SMC6: variants seen among roughly 807,000 people sequenced by gnomAD.
SMC6 encodes structural maintenance of chromosomes 6, also known as structural maintenance of chromosomes protein 6.
Under a neutral mutation model 142.2 loss-of-function variants are expected in SMC6, and 79 were observed. The observed-to-expected ratio is 0.56, with a 90% CI of 0.46 to 0.67. The LOEUF is 0.67. Ranked by LOEUF, SMC6 falls within the 30% of genes least tolerant of loss-of-function variation. SMC6 has a pLI of 0.00. For missense variants in SMC6, 1,072 were observed against 1,284.0 expected (o/e 0.83, Z 2.52); for synonymous variants, 411 against 412.4 (o/e 1.00, Z 0.04).
At chr2:17,723,808 C>T (rs894033285) in intron 9 of SMC6, among the ~76,000 whole-genome samples, 3 of 152,162 alleles carry the variant, frequency 2.0e-5, no homozygotes, top group African/African-American at 7.2e-5. Context: ...ATGATAAGAA[C>T]TTAATATTGA....
At chr2:17,752,307 T>C (rs1232104869) in intron 2 of SMC6, among the ~76,000 whole-genome samples, 7 of 152,174 alleles carry the variant, frequency 4.6e-5, no homozygotes, top group Non-Finnish European at 1.0e-4. Flanking sequence ...ACAATGCAAA[T>C]GCTATGTGAA....
intron 26 of SMC6, 120 bp downstream of exon 26, chr2:17,670,301 TAA>T: frequency 2.0e-6 from 2 of 1,011,450 alleles, no homozygotes; most frequent in Non-Finnish European, 2.8e-6. Context: ...GGTCACAGAC[TAA>T]AGAGTCAGGG....
At chr2:17,666,550 T>C (rs1300251582) in intron 26 of SMC6, 33 bp from the exon 27 acceptor site, 6 of 1,504,888 alleles carry the variant, frequency 4.0e-6, no homozygotes, top group Non-Finnish European at 3.7e-6. Flanking sequence ...AGGATTGCTA[T>C]TGTGTAAGTC....
Position 17,683,684 on chromosome 2 carries a change from C to G in SMC6, c.2758G>C (p.Gly920Arg). 1 of 1,612,018 alleles carries G rather than the reference C, an allele frequency of 6.2e-7. No homozygotes were observed. The highest frequency in any genetic ancestry group is 8.5e-7 in the Non-Finnish European group (1 of 1,178,460). The change falls in exon 24 of 28, where the codon GGA becomes CGA. Residue 920 changes from glycine to arginine, a missense_variant. Gly to Arg is a moderately radical substitution (Grantham distance 125). Coordinates refer to ENST00000448223, the MANE Select transcript of SMC6 (RefSeq NM_001142286.2). ...TTGAATCTGTGCTCCATGATTTCTC[C>G]CAGTAATTTAATAAACTTTTTTAAA... ...RTLKKFIKLL[G>R]EIMEHRFKTY...
intron 5 of SMC6, 86 bp downstream of exon 5, chr2:17,738,135 C>T: frequency 2.1e-6 from 2 of 962,880 alleles, no homozygotes; most frequent in Non-Finnish European, 3.2e-6. Context: ...ACTTCATTTC[C>T]AGTCATGTCT....
At chr2:17,696,525 G>T in intron 21 of SMC6, 99 bp from the exon 22 acceptor site, 1 of 1,215,856 alleles carries the variant, frequency 8.2e-7, no homozygotes, top group Non-Finnish European at 1.2e-6. Flanking sequence ...GGATTATGCT[G>T]TTTGAAGAGG....
intron 6 of SMC6, 101 bp from the exon 7 acceptor site, chr2:17,731,240 T>C (rs960270230): frequency 1.4e-5 from 11 of 761,476 alleles, no homozygotes; most frequent in Middle Eastern, 3.5e-4. Flanking sequence ...TTAGCTTTCA[T>C]TGCATCATCA....
chr2:17,683,865 A>G, intron 23 of SMC6, 102 bp from the exon 24 acceptor site: 2 of 1,072,070 alleles, frequency 1.9e-6, no homozygotes, highest in Admixed American at 2.0e-5. Flanking sequence ...GGAGGGGCAG[A>G]GAGTACTAAG....
chr2:17,690,404 TCAACATGG>T (rs1236111264), intron 23 of SMC6, among the ~76,000 whole-genome samples: 6 of 151,960 alleles, frequency 3.9e-5, no homozygotes, highest in Admixed American at 3.9e-4. Context: ...ACCTGCCTGG[TCAACATGG>T]CGAAACTCCA....
chr2:17,721,594 C>A (rs1669377352), intron 9 of SMC6, among the ~76,000 whole-genome samples: 2 of 152,088 alleles, frequency 1.3e-5, no homozygotes, highest in Admixed American at 1.3e-4. Flanking sequence ...ACATGATGGT[C>A]TGTTCCTCAA....
intron 8 of SMC6, among the ~76,000 whole-genome samples, chr2:17,726,078 GCT>G (rs1669603438): frequency 1.2e-5 from 1 of 82,984 alleles, no homozygotes; most frequent in Non-Finnish European, 2.0e-5. Context: ...ACAGAGCAAG[GCT>G]CTGTCTTAAA....
chr2:17,673,118 T>C (rs1666841199), intron 25 of SMC6, among the ~76,000 whole-genome samples: 1 of 152,218 alleles, frequency 6.6e-6, no homozygotes, highest in Non-Finnish European at 1.5e-5. Flanking sequence ...GGTGTGACAG[T>C]AACTTACTGT....
At chr2:17,728,558 A>T (rs79622601) in intron 7 of SMC6, among the ~76,000 whole-genome samples, 1 of 152,150 alleles carries the variant, frequency 6.6e-6, no homozygotes, top group African/African-American at 2.4e-5. Flanking sequence ...AAAAAAAAAA[A>T]GAATGTTGTA....
intron 16 of SMC6, among the ~76,000 whole-genome samples, chr2:17,712,487 G>A (rs1490325768): frequency 1.3e-5 from 2 of 152,166 alleles, no homozygotes; most frequent in Non-Finnish European, 2.9e-5. Context: ...AATAGCAGGA[G>A]TAGTAGTTTA....
At chr2:17,751,887 A>C (rs1447919988) in intron 2 of SMC6, among the ~76,000 whole-genome samples, 1 of 152,222 alleles carries the variant, frequency 6.6e-6, no homozygotes, top group Non-Finnish European at 1.5e-5. Flanking sequence ...TTGGTCTAAA[A>C]ATGACAGTCA....
rs1670730306 is a variant in SMC6, at chr2:17,746,028, G to C, written c.-5-77C>G. ...AAACTCAACAAAATAAATCTAACAA[G>C]GCTAATTAAACTTTAGGTACTATGT... On this transcript the variant is annotated intron_variant, in intron 2 of 27. Coordinates refer to ENST00000448223, the MANE Select transcript of SMC6 (RefSeq NM_001142286.2). The C allele has an allele frequency of 3.8e-6, 5 of 1,327,090 alleles. No homozygotes were observed. In the Admixed American group the frequency reaches 9.9e-5, roughly 26 times the overall value. 82.2% of individuals were successfully genotyped at this position (1,327,090 alleles called of 1,614,324 possible). A position where few individuals can be genotyped will look rare whatever the true frequency, so the allele number is the denominator to read the frequency against.
Position 17,665,265 on chromosome 2 carries a change from AAG to A in SMC6, c.*232_*233del, listed in dbSNP as rs1168761028. The A allele has an allele frequency of 3.3e-6, 1 of 303,568 alleles. No individual in the cohort carries two copies. The allele number at this position is 303,568 out of a possible 1,614,324, so 18.8% of individuals were successfully genotyped here. A position where few individuals can be genotyped will look rare whatever the true frequency, so the allele number is the denominator to read the frequency against. On this transcript the variant is annotated 3_prime_UTR_variant, in exon 28 of 28. Transcript: ENST00000448223. The stretch of plus-strand genomic sequence containing the variant: ...ATAGATCGTATTAAAAAAACTTAAA[AAG>A]ATTTAAAACCAATACTATGAAATTG...
intron 23 of SMC6, among the ~76,000 whole-genome samples, chr2:17,689,559 T>C (rs1332037776): frequency 3.3e-5 from 5 of 152,216 alleles, no homozygotes; most frequent in African/African-American, 7.2e-5. Context: ...TGTATGTATA[T>C]GTGTGCATGT....
intron 21 of SMC6, 70 bp downstream of exon 21, chr2:17,700,138 C>A: frequency 1.9e-6 from 2 of 1,045,946 alleles, no homozygotes; most frequent in Non-Finnish European, 2.7e-6. Context: ...AGGCCAATAT[C>A]CATAGAGTAC....
Sources: allele counts gnomAD v4.1 joint callset (sites outside exome capture counted in the v4.1 genomes callset), GRCh38; gene constraint gnomAD v4.1.1; transcripts MANE v1.5; gene names NCBI Gene and HGNC (gene_info 2026-07-23, HGNC 2026-07-21).